Variants in GPR143 observed in about 807,000 individuals in gnomAD.
GPR143 encodes the protein G protein-coupled receptor 143.
In GPR143, 8 loss-of-function variants were observed where a neutral mutation model predicts 27.6. That is an observed-to-expected ratio of 0.29 (90% CI 0.17 to 0.52). The LOEUF (loss-of-function observed/expected upper bound fraction) is 0.52, where lower values mean the gene tolerates loss of function less well. GPR143 is among the 20% of genes least tolerant of loss of function. GPR143 has a pLI of 0.96. For missense variants in GPR143, 303 were observed against 343.1 expected, an observed-to-expected ratio of 0.88 and a Z score of 0.92; for synonymous variants, 156 against 153.2, an observed-to-expected ratio of 1.02 and a Z score of -0.13.
intron 8 of GPR143, 39 bp from the exon 9 acceptor site, chrX:9,725,879 C>T (rs59194172): frequency 8.5e-7 from 1 of 1,182,839 alleles, no homozygotes; most frequent in Non-Finnish European, 1.1e-6. Context: ...GTGTCTGTGT[C>T]CTAGCAGGTT....
At chrX:9,774,383 C>T (rs994464662) in intron 1 of GPR143, among the ~76,000 whole-genome samples, 1 of 111,797 alleles carries the variant, frequency 8.9e-6, no homozygotes, top group Admixed American at 9.6e-5. Flanking sequence ...TCACAGTCAG[C>T]GAGAAAGAGT....
rs186396850 is a variant in GPR143, at chrX:9,762,068, C to T, written c.251-1242G>A. ...CACCACTGTACTCCAGCCTGGGCGA[C>T]AGAGTGAGACCCTGTGTCAAAAAGA... On this transcript the variant is annotated intron_variant, in intron 1 of 8. Transcript: ENST00000467482. 8.2e-5 allele frequency among the ~76,000 whole-genome samples: 9 copies of T among 110,309 alleles called. No homozygotes were observed. In the East Asian group the frequency reaches 2.6e-3, roughly 31 times the overall value.
rs748914930 is a variant in GPR143, at chrX:9,747,193, CAA to C, written c.549-1042_549-1041del. Among the ~76,000 whole-genome samples, 580 of 109,855 alleles carry C rather than the reference CAA, an allele frequency of 5.3e-3. 3 individuals carry two copies. Among genetic ancestry groups the C allele is most frequent in the African/African-American group, 0.018 (543 of 30,195 alleles). ...AAAGGCTTGAAAGGAGAAAGAGAAACAAGAGGAGAAAGAGAAGTGACTCCGAT... is the reference window on the plus strand; with the variant it reads ...AAAGGCTTGAAAGGAGAAAGAGAAACGAGGAGAAAGAGAAGTGACTCCGAT... On this transcript the variant is annotated intron_variant, in intron 4 of 8. Transcript: ENST00000467482.
At chrX:9,759,758 C>T (rs1449572786) in intron 2 of GPR143, among the ~76,000 whole-genome samples, 4 of 111,562 alleles carry the variant, frequency 3.6e-5, no homozygotes, top group African/African-American at 1.3e-4. Flanking sequence ...AGAATGAGTA[C>T]GGGGAGGAGG....
intron 3 of GPR143, among the ~76,000 whole-genome samples, chrX:9,750,866 C>T (rs1160475399): frequency 2.7e-5 from 3 of 112,643 alleles, no homozygotes; most frequent in Non-Finnish European, 5.6e-5. Context: ...CCCGGCCATA[C>T]ATTTCTGCTA....
At chrX:9,746,843 G>A (rs1399576503) in intron 4 of GPR143, among the ~76,000 whole-genome samples, 1 of 108,504 alleles carries the variant, frequency 9.2e-6, no homozygotes, top group Non-Finnish European at 1.9e-5. Context: ...AGAGGAAACT[G>A]AAGGCAAAGG....
At chrX:9,746,226 G>A in intron 4 of GPR143, 73 bp from the exon 5 acceptor site, 1 of 606,125 alleles carries the variant, frequency 1.6e-6, no homozygotes, top group Non-Finnish European at 2.9e-6. Flanking sequence ...TTATCTGGAA[G>A]TCAAGATAAG....
upstream of GPR143, among the ~76,000 whole-genome samples, chrX:9,770,160 CAAAAAAAAAAAAAAA>C (rs55901901): frequency 1.1e-4 from 3 of 26,825 alleles, no homozygotes; most frequent in Admixed American, 7.6e-4. Flanking sequence ...CTCCCCCAGT[CAAAAAAAAAAAAAAA>C]AAAAAAAAAA....
intron 4 of GPR143, 96 bp downstream of exon 4, chrX:9,748,467 AACCTCCAAGGC>A: frequency 1.8e-6 from 1 of 566,212 alleles, no homozygotes; most frequent in Non-Finnish European, 3.1e-6. Context: ...ACAACGGCCT[AACCTCCAAGGC>A]ACCCACTCTG....
intron 1 of GPR143, among the ~76,000 whole-genome samples, chrX:9,764,535 CACACACACAG>C (rs1365372468): frequency 1.5e-5 from 1 of 68,158 alleles, no homozygotes; most frequent in South Asian, 6.1e-4. Flanking sequence ...CACACACACA[CACACACACAG>C]AGCGAGACAG....
intron 3 of GPR143, among the ~76,000 whole-genome samples, chrX:9,756,695 A>T (rs2083475347): frequency 8.9e-6 from 1 of 112,741 alleles, no homozygotes; most frequent in Non-Finnish European, 1.9e-5. Context: ...ACCAATTCAC[A>T]CATGCTAGGA....
Position 9,725,805 on chromosome X carries a change from T to C in GPR143, c.1156A>G (p.Ser386Gly), listed in dbSNP as rs142625084. The change falls in exon 9 of 9, where the codon AGT becomes GGT. Residue 386 changes from serine to glycine, a missense_variant. Physicochemically the swap from Ser to Gly is moderately conservative, Grantham distance 56. Coordinates refer to ENST00000467482, the MANE Select transcript of GPR143 (RefSeq NM_000273.3). ...CCCTCATTTTTGTTGCAGGATTCAC[T>C]TGCAGTGTGAATTTCAATTGTGCTG... ...DASTIEIHTA[S>G]ESCNKNEGDP... 51 of 1,207,152 alleles carry C rather than the reference T, an allele frequency of 4.2e-5. No homozygotes were observed. Among genetic ancestry groups the C allele is most frequent in the Non-Finnish European group, 5.1e-5 (46 of 893,730 alleles).
rs1167624461 is a variant in GPR143, at chrX:9,760,737, C to T, written c.340G>A (p.Ala114Thr). The T allele has an allele frequency of 8.4e-7, 1 of 1,188,395 alleles. No homozygotes were observed. ...CTCACCGCACTCCCCACGCAGAAAG[C>T]AGCAGGCCAAATTTCCGTGTGGTTC... is the stretch of plus-strand genomic sequence containing the variant. ...DMNHTEIWPAAFCVGSAMWIQ... is the reference protein window; with the variant it reads ...DMNHTEIWPATFCVGSAMWIQ... The change falls in exon 2 of 9, where the codon GCT (alanine) becomes ACT (threonine). Residue 114 changes from alanine to threonine, a missense_variant. Physicochemically the swap from Ala to Thr is moderately conservative, Grantham distance 58. Transcript: ENST00000467482.
intron 2 of GPR143, 47 bp from the exon 3 acceptor site, chrX:9,759,473 A>G (rs2083487017): frequency 1.1e-6 from 1 of 898,567 alleles, no homozygotes; most frequent in Non-Finnish European, 1.6e-6. Context: ...AACAGGTACA[A>G]GAAGCCCAGC....
chrX:9,726,823 C>A (rs747521913), intron 8 of GPR143, among the ~76,000 whole-genome samples: 1 of 112,481 alleles, frequency 8.9e-6, no homozygotes, highest in Non-Finnish European at 1.9e-5. Flanking sequence ...GTCCTGTTTT[C>A]TTTATTTGTT....
chrX:9,762,027 C>A (rs1193967768), intron 1 of GPR143, among the ~76,000 whole-genome samples: 1 of 111,599 alleles, frequency 9.0e-6, no homozygotes, highest in Admixed American at 9.6e-5. Context: ...GCGGAGGTTG[C>A]AGTGAGTCGA....
At chrX:9,756,459 A>C (rs763448165) in intron 3 of GPR143, among the ~76,000 whole-genome samples, 2 of 112,718 alleles carry the variant, frequency 1.8e-5, no homozygotes, top group South Asian at 7.3e-4. Flanking sequence ...GACAAACCAC[A>C]GAATGGGAGA....
upstream of GPR143, among the ~76,000 whole-genome samples, chrX:9,770,124 C>A (rs1230517905): frequency 1.3e-5 from 1 of 75,050 alleles, no homozygotes; most frequent in Admixed American, 2.0e-4. Flanking sequence ...CAGCCTGGGG[C>A]AACATAGGGA....
chrX:9,760,980 A>G (rs1310742121), intron 1 of GPR143, among the ~76,000 whole-genome samples, 154 bp from the exon 2 acceptor site: 1 of 111,150 alleles, frequency 9.0e-6, no homozygotes, highest in Non-Finnish European at 1.9e-5. Context: ...AGAGGGAGGG[A>G]AAAAGACAAG....
Sources: gnomAD v4.1 joint callset for allele counts (sites outside exome capture counted in the v4.1 genomes callset) on GRCh38, gnomAD v4.1.1 for gene constraint, MANE v1.5 for transcripts, NCBI Gene and HGNC (gene_info 2026-07-23, HGNC 2026-07-21) for gene names.